The following CASKIN1 variants were observed in gnomAD, a reference collection of about 807,000 sequenced individuals.
CASKIN1 encodes caskin-1.
Under a neutral mutation model 117.5 loss-of-function variants are expected in CASKIN1, and 42 were observed. That is an observed-to-expected ratio of 0.36 (90% CI 0.28 to 0.46). CASKIN1 has a LOEUF of 0.46. CASKIN1 is among the 20% of genes least tolerant of loss of function. The pLI, the probability that CASKIN1 is intolerant of heterozygous loss-of-function variation, is 1.00. For synonymous variants in CASKIN1, 1,148 were observed against 961.7 expected, an observed-to-expected ratio of 1.19 and a Z score of -3.59; for missense variants, 2,083 against 2,077.3, an observed-to-expected ratio of 1.00 and a Z score of -0.05.
intron 10 of CASKIN1, 22 bp downstream of exon 10, chr16:2,186,685 C>G: frequency 6.2e-7 from 1 of 1,604,770 alleles, no homozygotes; most frequent in Non-Finnish European, 8.5e-7. Flanking sequence ...CTGCCTGCCC[C>G]CCAGGGTGGG....
chr16:2,180,890 T>C lies in CASKIN1; in HGVS notation c.2478A>G (p.Ser826=). The C allele has an allele frequency of 6.9e-7, 1 of 1,439,984 alleles. No homozygotes were observed. The highest frequency in any genetic ancestry group is 9.1e-7 in the Non-Finnish European group (1 of 1,103,538). 89.2% of individuals were successfully genotyped at this position (1,439,984 alleles called of 1,614,324 possible). ...RPMSPRSLPQ[S]PTHRGFAYVL... ...CGTAGGCAAAGCCGCGGTGCGTCGG[T>C]GACTGAGGCAGGGAGCGGGGTGACA... Residue 826 remains serine (S), a synonymous_variant, in exon 18 of 20, where the codon TCA becomes TCG. Coordinates refer to ENST00000343516, the MANE Select transcript of CASKIN1 (RefSeq NM_020764.4).
intron 6 of CASKIN1, 49 bp from the exon 7 acceptor site, chr16:2,187,510 GC>G (rs1567262324): frequency 2.0e-6 from 3 of 1,488,586 alleles, no homozygotes; most frequent in Non-Finnish European, 1.8e-6. Context: ...CAGGAGGCCG[GC>G]CCCAGCACCC....
chr16:2,186,348 C>T (rs1166545010), intron 10 of CASKIN1, among the ~76,000 whole-genome samples: 1 of 152,170 alleles, frequency 6.6e-6, no homozygotes, highest in Non-Finnish European at 1.5e-5. Context: ...CTCTGACTGC[C>T]TCATCTCAAG....
At chr16:2,193,753 G>A (rs1596695637) in intron 1 of CASKIN1, among the ~76,000 whole-genome samples, 1 of 152,206 alleles carries the variant, frequency 6.6e-6, no homozygotes, top group Admixed American at 6.5e-5. Context: ...AAGCCATCTC[G>A]TCCCTCTCCC....
Position 2,186,908 on chromosome 16 carries a change from G to T in CASKIN1, c.930+70C>A. On this transcript the variant is annotated intron_variant, in intron 9 of 19. Coordinates refer to ENST00000343516, the MANE Select transcript of CASKIN1 (RefSeq NM_020764.4). ...CAGTGCCCCCCAGTTGCGGCGGGAGGGTGTTCTGGGGTGCGCACGCCCAGG... is the reference window on the plus strand; with the variant it reads ...CAGTGCCCCCCAGTTGCGGCGGGAGTGTGTTCTGGGGTGCGCACGCCCAGG... 1.0e-5 allele frequency: 16 copies of T among 1,599,148 alleles called. No homozygotes were observed. The South Asian group carries it at 1.8e-4, about 18-fold the overall frequency.
chr16:2,185,852 C>T (rs2093182736), intron 10 of CASKIN1, among the ~76,000 whole-genome samples: 10 of 152,258 alleles, frequency 6.6e-5, no homozygotes, highest in Admixed American at 6.5e-4. Flanking sequence ...GGCTTCACAG[C>T]CTGGGCCCCT....
chr16:2,181,520 GC>G lies in CASKIN1; in HGVS notation c.1847del (p.Gly616AlafsTer13). On this transcript the variant is annotated frameshift_variant, in exon 18 of 20. Transcript: ENST00000343516. LOFTEE classifies it high-confidence loss of function. ...QKAEYAKYEG[G>X]PLRRKAPQSL... Reference sequence around the variant, plus strand: ...ACTGGGGCGCCTTCCGGCGCAGGGGGCCCCCCTCATACTTGGCGTATTCAGC... The same window carrying G: ...ACTGGGGCGCCTTCCGGCGCAGGGGGCCCCCTCATACTTGGCGTATTCAGC... 5 of 1,606,722 alleles carry G rather than the reference GC, an allele frequency of 3.1e-6. No individual in the cohort carries two copies.
chr16:2,184,229 G>A (rs908423610), intron 14 of CASKIN1, among the ~76,000 whole-genome samples: 1 of 152,084 alleles, frequency 6.6e-6, no homozygotes, highest in East Asian at 1.9e-4. Flanking sequence ...CTCCCTGACT[G>A]TCCCCTGCTC....
In CASKIN1 at chr16:2,181,571, C is replaced by T; in HGVS notation, c.1797G>A (p.Val599=). 2 of 1,573,488 alleles carry T rather than the reference C, an allele frequency of 1.3e-6. No homozygotes were observed. The highest frequency in any genetic ancestry group is 1.7e-6 in the Non-Finnish European group (2 of 1,161,686). The change falls in exon 18 of 20, where the codon GTG becomes GTA. Residue 599 remains valine (V), a synonymous_variant. Coordinates refer to ENST00000343516, the MANE Select transcript of CASKIN1 (RefSeq NM_020764.4). ...CCTTCTGCAGCTCTGCCAGCTTCCTCACAGCGAGCATCAGCTTCTTCTGGT... is the reference window on the plus strand; with the variant it reads ...CCTTCTGCAGCTCTGCCAGCTTCCTTACAGCGAGCATCAGCTTCTTCTGGT... ...LGHQKKLMLA[V]RKLAELQKAE... is the part of the protein sequence containing the mutation.
intron 1 of CASKIN1, among the ~76,000 whole-genome samples, chr16:2,195,974 G>C (rs1042986176): frequency 9.0e-6 from 1 of 110,922 alleles, no homozygotes; most frequent in African/African-American, 4.4e-5. Context: ...TGTGGTGGGT[G>C]GGGGGGGCAT....
chr16:2,188,329 G>A (rs2093190989), intron 6 of CASKIN1, among the ~76,000 whole-genome samples: 1 of 151,406 alleles, frequency 6.6e-6, no homozygotes, highest in African/African-American at 2.4e-5. Context: ...CGGGACTACA[G>A]GTGTGCATCA....
chr16:2,187,563 T>A (rs1326686925), intron 6 of CASKIN1, 102 bp from the exon 7 acceptor site: 1 of 920,114 alleles, frequency 1.1e-6, no homozygotes, highest in East Asian at 2.6e-5. Context: ...GCAGTCAGCT[T>A]GGGGGCTGAG....
At position 2,196,308 on chromosome 16, in the gene CASKIN1, C is replaced by G. The variant is rs1221365524; in HGVS notation, c.94+31G>C. On this transcript the variant is annotated intron_variant, in intron 1 of 19. Coordinates refer to ENST00000343516, the MANE Select transcript of CASKIN1 (RefSeq NM_020764.4). The surrounding 1 kb of genome is among the most constrained non-coding windows in gnomAD (Gnocchi z 5.7). ...GCGCCGGGGAGGGGCCCCCGGGGCT[C>G]CCACCCGCGCCCCGCGCCCCCGGCA... 4.6e-6 allele frequency: 5 copies of G among 1,098,628 alleles called. No individual in the cohort carries two copies. The highest frequency in any genetic ancestry group is 1.7e-5 in the African/African-American group (1 of 59,588). The allele number at this position is 1,098,628 out of a possible 1,614,324, so 68.1% of individuals were successfully genotyped here.
rs766817654 is a variant in CASKIN1 at position 2,196,394 on chromosome 16, C to T, written c.39G>A (p.Ala13=). 5 of 1,368,942 alleles carry T rather than the reference C, an allele frequency of 3.7e-6. No individual in the cohort carries two copies. Among genetic ancestry groups the T allele is most frequent in the Non-Finnish European group, 4.8e-6 (5 of 1,047,842 alleles). 84.8% of individuals were successfully genotyped at this position (1,368,942 alleles called of 1,614,324 possible). ...KEQELVQAVK[A]EDVGTAQRLL... is the part of the protein sequence containing the mutation. ...GCCTCTGCGCGGTCCCTACGTCCTC[C>T]GCCTTCACCGCCTGCACCAGCTCCT... is the stretch of plus-strand genomic sequence containing the variant. The change falls in exon 1 of 20, where the codon GCG becomes GCA. Residue 13 remains alanine (A), a synonymous_variant. Transcript: ENST00000343516. The surrounding 1 kb of genome is among the most constrained non-coding windows in gnomAD (Gnocchi z 5.7).
At position 2,196,273 on chromosome 16, in the gene CASKIN1, G is replaced by A. The variant is rs919958761; in HGVS notation, c.94+66C>T. On this transcript the variant is annotated intron_variant, in intron 1 of 19. Coordinates refer to ENST00000343516, the MANE Select transcript of CASKIN1 (RefSeq NM_020764.4). This position sits in a 1 kb window ranked among gnomAD's most constrained non-coding sequence, Gnocchi z 5.7. ...GTCCCCTCCCCGCCCGGCGCCGGGT[G>A]GGGGGCTCCGCGCCGGGGAGGGGCC... 41 of 666,214 alleles carry A rather than the reference G, an allele frequency of 6.2e-5. No individual in the cohort carries two copies. The highest frequency in any genetic ancestry group is 7.9e-5 in the Non-Finnish European group (40 of 503,938). 41.3% of individuals were successfully genotyped at this position (666,214 alleles called of 1,614,324 possible).
In CASKIN1 at chr16:2,190,192, T is replaced by C. The variant is rs374812207; in HGVS notation, c.147-22A>G. 6.3e-5 allele frequency: 102 copies of C among 1,612,204 alleles called. No individual in the cohort carries two copies. The African/African-American group carries it at 8.0e-4, about 13-fold the overall frequency. On this transcript the variant is annotated intron_variant, in intron 2 of 19. Coordinates refer to ENST00000343516, the MANE Select transcript of CASKIN1 (RefSeq NM_020764.4). ...GAAGCTGGCACGTGCAGAGGACACATAGAGCAGAGGCCCTGGCGCCCCGGC... is the reference window on the plus strand; with the variant it reads ...GAAGCTGGCACGTGCAGAGGACACACAGAGCAGAGGCCCTGGCGCCCCGGC...
At chr16:2,181,770 G>A (rs769993971) in intron 17 of CASKIN1, 21 bp downstream of exon 17, 1 of 1,610,140 alleles carries the variant, frequency 6.2e-7, no homozygotes, top group Non-Finnish European at 8.5e-7. Flanking sequence ...CTGGGGACGA[G>A]GGCTGGGGCT....
rs749298915 is a variant in CASKIN1 at position 2,180,584 on chromosome 16, C to G, written c.2784G>C (p.Lys928Asn). The G allele has an allele frequency of 5.1e-6, 8 of 1,571,698 alleles. No individual in the cohort carries two copies. In the South Asian group the frequency reaches 9.2e-5, roughly 18 times the overall value. ...CAAAGGACTGGCTGCGGTTGACGTT[C>G]TTGTCGGCACCTGCGGGCGCCCTCA... ...HSVRAPAGAD[K>N]NVNRSQSFAV... The change falls in exon 18 of 20, where the codon AAG (lysine) becomes AAC (asparagine). Residue 928 changes from lysine to asparagine, a missense_variant. Around this residue, in one of 3 missense-constraint regions of CASKIN1, gnomAD observed 1,818 missense variants for 1,688.9 expected, o/e 1.08. Coordinates refer to ENST00000343516, the MANE Select transcript of CASKIN1 (RefSeq NM_020764.4).
At position 2,185,199 on chromosome 16, in the gene CASKIN1, C is replaced by G; in HGVS notation, c.1151G>C (p.Gly384Ala). ...EIWVLRKPFA[G>A]GDRSGSISGM... Reference sequence around the variant, plus strand: ...GCTAATGCTGCCGCTTCGGTCCCCACCTGCCAGCACAAGGGAGCAAGATGA... The same window carrying G: ...GCTAATGCTGCCGCTTCGGTCCCCAGCTGCCAGCACAAGGGAGCAAGATGA... The change falls in exon 12 of 20, where the codon GGT becomes GCT. Residue 384 changes from glycine (G) to alanine (A), a missense_variant and splice_region_variant. Physicochemically the swap from Gly to Ala is moderately conservative, Grantham distance 60. This residue lies in a region of CASKIN1 where 1,818 missense variants were observed against 1,688.9 expected (regional missense o/e 1.08). Transcript: ENST00000343516. 6 of 1,611,456 alleles carry G rather than the reference C, an allele frequency of 3.7e-6. No individual in the cohort carries two copies. Among genetic ancestry groups the G allele is most frequent in the Non-Finnish European group, 5.1e-6 (6 of 1,179,416 alleles).
Sources: gnomAD v4.1 joint callset for allele counts (sites outside exome capture counted in the v4.1 genomes callset) on GRCh38, gnomAD v4.1.1 for gene constraint, gnomAD v4.1.1 regional missense constraint, Gnocchi (gnomAD v3.1) non-coding constraint, MANE v1.5 for transcripts, NCBI Gene and HGNC (gene_info 2026-07-23, HGNC 2026-07-21) for gene names.